OSBPL2: variants seen among roughly 807,000 people sequenced by gnomAD.
OSBPL2 encodes the protein oxysterol binding protein like 2.
OSBPL2 carries 18 observed loss-of-function variants against 58.4 expected under a neutral mutation model. That is an observed-to-expected ratio of 0.31 (90% CI 0.21 to 0.46). OSBPL2 has a LOEUF of 0.46. Ranked by LOEUF, OSBPL2 falls within the 20% of genes least tolerant of loss-of-function variation. The pLI is 1.00. For synonymous variants in OSBPL2, 221 were observed against 234.1 expected (o/e 0.94, Z 0.51); for missense variants, 461 against 616.5 (o/e 0.75, Z 2.67).
intron 1 of OSBPL2, among the ~76,000 whole-genome samples, chr20:62,248,815 T>C (rs570734268): frequency 7.6e-4 from 115 of 152,272 alleles, no homozygotes; most frequent in Non-Finnish European, 1.3e-4. Flanking sequence ...CTTAGTCTCC[T>C]AAGTAGCTGG....
At chr20:62,262,421 G>C (rs892116549) in intron 3 of OSBPL2, among the ~76,000 whole-genome samples, 2 of 152,190 alleles carry the variant, frequency 1.3e-5, no homozygotes, top group Non-Finnish European at 2.9e-5. Flanking sequence ...CCATCTCCAT[G>C]CAGGGTCGTA....
chr20:62,284,203 C>T (rs1045854046), intron 10 of OSBPL2, 34 bp downstream of exon 10: 2 of 1,613,584 alleles, frequency 1.2e-6, no homozygotes, highest in African/African-American at 1.3e-5. Context: ...CAGAGCTGAG[C>T]CCTGGGTGCT....
intron 3 of OSBPL2, 50 bp from the exon 4 acceptor site, chr20:62,263,566 C>T (rs1981455839): frequency 1.4e-6 from 2 of 1,396,124 alleles, no homozygotes; most frequent in Non-Finnish European, 2.0e-6. Flanking sequence ...CTTGAGTGGT[C>T]AGAGTCCTGT....
chr20:62,275,345 A>G (rs1003238528), intron 6 of OSBPL2, among the ~76,000 whole-genome samples: 8 of 151,880 alleles, frequency 5.3e-5, no homozygotes, highest in African/African-American at 1.9e-4. Flanking sequence ...AGAGTGTTTC[A>G]TCGATTCTAA....
chr20:62,243,834 G>GT (rs1270923607), intron 1 of OSBPL2, among the ~76,000 whole-genome samples: 1 of 131,314 alleles, frequency 7.6e-6, no homozygotes, highest in South Asian at 2.6e-4. Context: ...TTTTTTTCCT[G>GT]TTTTTTTAAA....
In OSBPL2 at chr20:62,286,675, C is replaced by T. The variant is rs745933535; in HGVS notation, c.1089C>T (p.Leu363=). ...TVQVIPGSKL[L]WRINTRPPNS... The stretch of plus-strand genomic sequence containing the variant: ...AGGTCATTCCTGGCAGCAAGCTGCT[C>T]TGGAGGATCAACACCCGGCCCCCCA... Residue 363 remains leucine, a synonymous_variant, in exon 11 of 14, where the codon CTC becomes CTT. Transcript: ENST00000313733. 6.2e-7 allele frequency: 1 copy of T among 1,613,558 alleles called. No individual in the cohort carries two copies. Among genetic ancestry groups the T allele is most frequent in the East Asian group, 2.2e-5 (1 of 44,886 alleles).
chr20:62,254,951 A>G (rs1198575750), intron 1 of OSBPL2, among the ~76,000 whole-genome samples: 2 of 152,088 alleles, frequency 1.3e-5, no homozygotes, highest in African/African-American at 4.8e-5. Flanking sequence ...TTTTAGACAT[A>G]ATTTTCCATT....
intron 1 of OSBPL2, among the ~76,000 whole-genome samples, chr20:62,245,869 C>G (rs1439456983): frequency 6.6e-6 from 1 of 152,218 alleles, no homozygotes; most frequent in Non-Finnish European, 1.5e-5. Flanking sequence ...AACCGTTAAG[C>G]TTTTACAATG....
In OSBPL2 at chr20:62,293,883, A is replaced by G; in HGVS notation, c.1439A>G (p.Tyr480Cys). ...ERNFSDCPDIY is the reference protein window; with the variant it reads ...ERNFSDCPDIC ...AATTTCTCCGACTGCCCAGATATCT[A>G]CTGAGGGCCTGGAGGGGCCTGGGGC... The change falls in exon 14 of 14, where the codon TAC (tyrosine) becomes TGC (cysteine). Residue 480 changes from tyrosine to cysteine, a missense_variant. By Grantham distance (194) the Tyr-to-Cys change is radical. Around this residue, in one of 5 missense-constraint regions of OSBPL2, gnomAD observed 319 missense variants for 419.2 expected, o/e 0.76. Coordinates refer to ENST00000313733, the MANE Select transcript of OSBPL2 (RefSeq NM_144498.4). 2.5e-6 allele frequency: 4 copies of G among 1,613,682 alleles called. No individual in the cohort carries two copies. Among genetic ancestry groups the G allele is most frequent in the African/African-American group, 1.3e-5 (1 of 75,044 alleles).
rs376989736 is a variant in OSBPL2, at chr20:62,256,149, C to T, written c.-36C>T. 3.6e-5 allele frequency: 58 copies of T among 1,610,526 alleles called. No homozygotes were observed. Among genetic ancestry groups the T allele is most frequent in the Admixed American group, 1.5e-4 (9 of 59,898 alleles). On this transcript the variant is annotated 5_prime_UTR_variant, in exon 2 of 14. Transcript: ENST00000313733. ...CAGATACGATGATTCAGTAGAAGAGCACATGTCAGGGGCAGTGGAGGCTGG... is the reference window on the plus strand; with the variant it reads ...CAGATACGATGATTCAGTAGAAGAGTACATGTCAGGGGCAGTGGAGGCTGG...
intron 1 of OSBPL2, among the ~76,000 whole-genome samples, chr20:62,254,910 G>A (rs1274531673): frequency 1.6e-4 from 25 of 152,206 alleles, no homozygotes; most frequent in Admixed American, 1.4e-3. Flanking sequence ...CAATTCTCTA[G>A]AATTGATGTT....
intron 9 of OSBPL2, chr20:62,282,170 G>A (rs932404612): frequency 1.2e-5 from 3 of 258,082 alleles, no homozygotes; most frequent in Admixed American, 4.7e-5. Flanking sequence ...TCCACTGGGA[G>A]ATGAGAGGGG....
In OSBPL2 at chr20:62,282,453, C is replaced by T. The variant is rs191847998; in HGVS notation, c.872+574C>T. On this transcript the variant is annotated intron_variant, in intron 9 of 13. Coordinates refer to ENST00000313733, the MANE Select transcript of OSBPL2 (RefSeq NM_144498.4). ...ATCTGGGTCTCACATTTGTTTTTTT[C>T]GTAAGGAATTTGAGCCATAGAATGT... 1.5e-3 allele frequency among the ~76,000 whole-genome samples: 222 copies of T among 152,180 alleles called. 1 individual carries two copies. Among genetic ancestry groups the T allele is most frequent in the African/African-American group, 5.2e-3 (216 of 41,500 alleles).
At chr20:62,248,672 CTTTATTTATTTA>C (rs3078864) in intron 1 of OSBPL2, among the ~76,000 whole-genome samples, 27 of 147,852 alleles carry the variant, frequency 1.8e-4, no homozygotes, top group Admixed American at 9.5e-4. Flanking sequence ...GTCAGATCTG[CTTTATTTATTTA>C]TTTATTTATT....
intron 1 of OSBPL2, among the ~76,000 whole-genome samples, chr20:62,247,286 A>T (rs139819910): frequency 0.015 from 2,350 of 152,218 alleles, 29 homozygotes; most frequent in Non-Finnish European, 0.023. Flanking sequence ...GGCACTGAAG[A>T]TCTTCCTGTG....
chr20:62,251,881 T>TTTTTC (rs1980574130), intron 1 of OSBPL2, among the ~76,000 whole-genome samples: 1 of 122,272 alleles, frequency 8.2e-6, no homozygotes, highest in Non-Finnish European at 1.7e-5. Flanking sequence ...TTTTTTTTTT[T>TTTTTC]TTTTTTTTTT....
chr20:62,260,100 C>A lies in OSBPL2; in HGVS notation c.157C>A (p.Gln53Lys). Residue 53 changes from glutamine to lysine, a missense_variant, in exon 3 of 14, where the codon CAA becomes AAA. Gln to Lys is a moderately conservative substitution (Grantham distance 53). Coordinates refer to ENST00000313733, the MANE Select transcript of OSBPL2 (RefSeq NM_144498.4). ...TGGGAAAACTGGGGAGAGGCCCTCT[C>A]AAGAGAACGGAATTCAGAAACACAG... ...RIGKTGERPSQENGIQKHRTS... is the reference protein window; with the variant it reads ...RIGKTGERPSKENGIQKHRTS... 6.2e-7 allele frequency: 1 copy of A among 1,613,916 alleles called. No individual in the cohort carries two copies. Among genetic ancestry groups the A allele is most frequent in the South Asian group, 1.1e-5 (1 of 91,044 alleles).
intron 1 of OSBPL2, among the ~76,000 whole-genome samples, chr20:62,243,015 C>T (rs933823855): frequency 3.3e-5 from 5 of 152,158 alleles, no homozygotes; most frequent in Non-Finnish European, 5.9e-5. Flanking sequence ...CAAGGCTGAT[C>T]GTGAGAAAGA....
intron 1 of OSBPL2, among the ~76,000 whole-genome samples, chr20:62,243,400 G>A (rs1979864854): frequency 6.6e-6 from 1 of 152,170 alleles, no homozygotes; most frequent in Non-Finnish European, 1.5e-5. Context: ...GGGTCCCAGT[G>A]CAGAGGTGCC....
Sources: allele counts gnomAD v4.1 joint callset (sites outside exome capture counted in the v4.1 genomes callset), GRCh38; gene constraint gnomAD v4.1.1; regional missense constraint gnomAD v4.1.1; transcripts MANE v1.5; gene names NCBI Gene and HGNC (gene_info 2026-07-23, HGNC 2026-07-21).